The following WASHC4 variants were observed in gnomAD, a reference collection of about 807,000 sequenced individuals.
The protein encoded by WASHC4 is WASH complex subunit 4, also known as WASH complex subunit 7.
WASHC4 carries 86 observed loss-of-function variants against 166.6 expected under a neutral mutation model. The ratio of observed to expected loss-of-function variants is 0.52; its 90% confidence interval spans 0.43 to 0.62. The LOEUF (loss-of-function observed/expected upper bound fraction) is 0.62. Among genes scored for constraint, WASHC4 ranks in the 20% least tolerant of loss-of-function variants. The pLI, the probability that WASHC4 is intolerant of heterozygous loss-of-function variation, is 0.00. For synonymous variants in WASHC4, 446 were observed against 451.6 expected (o/e 0.99, Z 0.16); for missense variants, 1,262 against 1,382.4 (o/e 0.91, Z 1.38).
rs200606954 is a variant in WASHC4, at chr12:105,144,426, G to A, written c.2150G>A (p.Arg717Gln). ...CTTTTTTTCTCTCTGAATCCAATTC[G>A]GTTTTTCAATCGTTTCATTGACATT... ...LALFFSLNPIRFFNRFIDIRA... is the reference protein window; with the variant it reads ...LALFFSLNPIQFFNRFIDIRA... Residue 717 changes from arginine to glutamine, a missense_variant, in exon 21 of 33, where the codon CGG (arginine) becomes CAG (glutamine). Transcript: ENST00000332180. The A allele has an allele frequency of 2.0e-4, 321 of 1,612,504 alleles. No homozygotes were observed. Among genetic ancestry groups the A allele is most frequent in the Non-Finnish European group, 2.6e-4 (312 of 1,179,414 alleles).
intron 26 of WASHC4, among the ~76,000 whole-genome samples, chr12:105,153,178 C>G: frequency 6.6e-6 from 1 of 152,198 alleles, no homozygotes; most frequent in South Asian, 2.1e-4. Context: ...ATATTAACAC[C>G]AAACAGTAAA....
intron 27 of WASHC4, 26 bp downstream of exon 27, chr12:105,156,818 CT>C: frequency 6.5e-7 from 1 of 1,547,836 alleles, no homozygotes; most frequent in Non-Finnish European, 8.9e-7. Context: ...TCATTTTTGC[CT>C]TGTTTATGCC....
At chr12:105,162,314 G>A (rs188155931) in intron 29 of WASHC4, among the ~76,000 whole-genome samples, 11 of 152,330 alleles carry the variant, frequency 7.2e-5, no homozygotes, top group Admixed American at 6.5e-4. Context: ...AGTAAGGACT[G>A]TCTTGCATAT....
At chr12:105,146,225 T>C (rs909005410) in intron 22 of WASHC4, among the ~76,000 whole-genome samples, 1 of 152,128 alleles carries the variant, frequency 6.6e-6, no homozygotes, top group African/African-American at 2.4e-5. Context: ...ATATTTAAAC[T>C]TAACTGTTCC....
At chr12:105,123,551 T>C (rs1438959942) in intron 10 of WASHC4, among the ~76,000 whole-genome samples, 1 of 152,254 alleles carries the variant, frequency 6.6e-6, no homozygotes, top group Non-Finnish European at 1.5e-5. Flanking sequence ...AGCAAGGCTG[T>C]AACTCTCTTT....
chr12:105,135,341 G>A (rs1055774784), intron 14 of WASHC4, among the ~76,000 whole-genome samples: 8 of 150,294 alleles, frequency 5.3e-5, no homozygotes, highest in African/African-American at 1.9e-4. Flanking sequence ...AATAGTTTTT[G>A]GTCTGAATAT....
intron 31 of WASHC4, 150 bp downstream of exon 31, chr12:105,164,457 C>G (rs1012770534): frequency 1.2e-6 from 1 of 845,430 alleles, no homozygotes; most frequent in Non-Finnish European, 1.9e-6. Context: ...AAAATGAGTG[C>G]TATTTGGAAG....
chr12:105,132,147 C>T (rs1228588290), intron 13 of WASHC4, among the ~76,000 whole-genome samples: 3 of 152,146 alleles, frequency 2.0e-5, no homozygotes, highest in Admixed American at 1.3e-4. Context: ...GAGAATTGCC[C>T]ATTTTTGCAT....
rs138715982 is a variant in WASHC4, at chr12:105,135,389, G to T, written c.1326+1493G>T. Among the ~76,000 whole-genome samples, 22 of 151,128 alleles carry T rather than the reference G, an allele frequency of 1.5e-4. 1 individual carries two copies. The Middle Eastern group carries it at 0.014, about 94-fold the overall frequency. On this transcript the variant is annotated intron_variant, in intron 14 of 32. Transcript: ENST00000332180. The stretch of plus-strand genomic sequence containing the variant: ...ATCATTTTGCTGTGTTAGAATTCTA[G>T]GTTGGTGGGGTTTTTTTTTTTCTTC...
intron 2 of WASHC4, among the ~76,000 whole-genome samples, chr12:105,113,349 T>C (rs73395745): frequency 0.016 from 2,468 of 152,194 alleles, 43 homozygotes; most frequent in African/African-American, 0.043. Context: ...CTGTTTTTTT[T>C]CTCAACTCTC....
chr12:105,154,264 C>T (rs1335693430), intron 26 of WASHC4, among the ~76,000 whole-genome samples: 2 of 152,234 alleles, frequency 1.3e-5, no homozygotes, highest in East Asian at 3.9e-4. Context: ...CTCCTGACCT[C>T]GTGATCCATC....
At chr12:105,156,835 A>T in intron 27 of WASHC4, 43 bp downstream of exon 27, 2 of 1,382,466 alleles carry the variant, frequency 1.4e-6, no homozygotes. Flanking sequence ...ATGCCATTTT[A>T]AAAATTGTGT....
At position 105,122,222 on chromosome 12, in the gene WASHC4, A is replaced by T. The variant is rs891336242; in HGVS notation, c.770A>T (p.Asp257Val). ...CTGAAGCTAGAAGGGCAATTACTGG[A>T]TGGAATGATATTCCAGGTAAGTAGG... ...FLLKLEGQLL[D>V]GMIFQACIEQ... is the part of the protein sequence containing the mutation. Residue 257 changes from aspartate (D) to valine (V), a missense_variant, in exon 10 of 33, where the codon GAT becomes GTT. Asp to Val is a radical substitution (Grantham distance 152, BLOSUM62 -3). Coordinates refer to ENST00000332180, the MANE Select transcript of WASHC4 (RefSeq NM_015275.3). 1.1e-5 allele frequency: 17 copies of T among 1,612,454 alleles called. No homozygotes were observed. The African/African-American group carries it at 1.7e-4, about 16-fold the overall frequency.
chr12:105,135,668 C>G (rs1259884960), intron 14 of WASHC4, among the ~76,000 whole-genome samples: 1 of 120,032 alleles, frequency 8.3e-6, no homozygotes, highest in Non-Finnish European at 1.7e-5. Context: ...TTCCTCTGTT[C>G]TAATTCTCTC....
At position 105,126,279 on chromosome 12, in the gene WASHC4, T is replaced by A. The variant is rs1191451750; in HGVS notation, c.955T>A (p.Cys319Ser). 3.1e-6 allele frequency: 5 copies of A among 1,611,546 alleles called. No homozygotes were observed. The East Asian group carries it at 1.1e-4, about 36-fold the overall frequency. ...CCAGAGAGACAAGTATGTTGGAATT[T>A]GTGGACTCTTTGTATTGCACTTTCA... ...IDQRDKYVGI[C>S]GLFVLHFQIF... Residue 319 changes from cysteine (C) to serine (S), a missense_variant, in exon 12 of 33, where the codon TGT (cysteine) becomes AGT (serine). Physicochemically the swap from Cys to Ser is moderately radical, Grantham distance 112 (BLOSUM62 -1). Coordinates refer to ENST00000332180, the MANE Select transcript of WASHC4 (RefSeq NM_015275.3).
At chr12:105,129,244 CTGGCTAATTTTTGTAT>C (rs1282108375) in intron 13 of WASHC4, among the ~76,000 whole-genome samples, 5 of 152,058 alleles carry the variant, frequency 3.3e-5, no homozygotes, top group Non-Finnish European at 7.4e-5. Context: ...GCGCCAACGC[CTGGCTAATTTTTGTAT>C]TTTTAGTAGA....
In WASHC4 at chr12:105,168,942, T is replaced by G. The variant is rs1884943264; in HGVS notation, c.*2011T>G. On this transcript the variant is annotated 3_prime_UTR_variant, in exon 33 of 33. Coordinates refer to ENST00000332180, the MANE Select transcript of WASHC4 (RefSeq NM_015275.3). Reference sequence around the variant, plus strand: ...TAAAAATTAATGTGAGCGTTTGTTTTAAGTTCACAGAAAACTTAATAATTC... The same window carrying G: ...TAAAAATTAATGTGAGCGTTTGTTTGAAGTTCACAGAAAACTTAATAATTC... 1 of 152,592 alleles carries G rather than the reference T, an allele frequency of 6.6e-6. No homozygotes were observed. The highest frequency in any genetic ancestry group is 2.4e-5 in the African/African-American group (1 of 41,458). The allele number at this position is 152,592 out of a possible 1,614,324, so 9.5% of individuals were successfully genotyped here.
At chr12:105,139,425 G>GTATATATATATATA (rs71069791) in intron 15 of WASHC4, among the ~76,000 whole-genome samples, 3,965 of 102,370 alleles carry the variant, frequency 0.039, 223 homozygotes, top group Non-Finnish European at 0.047. Context: ...ATGTGTGTGT[G>GTATATATATATATA]TATATATATA....
At chr12:105,159,621 CTG>C (rs1344309246) in intron 28 of WASHC4, among the ~76,000 whole-genome samples, 2 of 40,456 alleles carry the variant, frequency 4.9e-5, no homozygotes, top group African/African-American at 1.3e-4. Context: ...GAGAGGGAAA[CTG>C]AGTTCTTGAA....
Sources: allele counts gnomAD v4.1 joint callset (sites outside exome capture counted in the v4.1 genomes callset), GRCh38; gene constraint gnomAD v4.1.1; transcripts MANE v1.5; gene names NCBI Gene and HGNC (gene_info 2026-07-23, HGNC 2026-07-21).